Variants in SESN3 observed in about 807,000 individuals in gnomAD.
SESN3 encodes sestrin-3.
A neutral mutation model predicts 55.3 loss-of-function variants in SESN3; 21 were observed. The observed-to-expected ratio is 0.38, with a 90% CI of 0.27 to 0.55. The LOEUF is 0.55. Among genes scored for constraint, SESN3 ranks in the 20% least tolerant of loss-of-function variants. The pLI, the probability that SESN3 is intolerant of heterozygous loss-of-function variation, is 0.76. For missense variants in SESN3, 408 were observed against 604.3 expected (o/e 0.68, Z 3.41); for synonymous variants, 181 against 203.1 (o/e 0.89, Z 0.93).
upstream of SESN3, chr11:95,231,886 T>C (rs2134280373): frequency 6.6e-6 from 1 of 152,334 alleles, no homozygotes; most frequent in South Asian, 2.1e-4. Flanking sequence ...CTGAGTTATA[T>C]ATATATTTAC....
intron 2 of SESN3, among the ~76,000 whole-genome samples, chr11:95,191,890 A>C (rs1366581492): frequency 2.0e-5 from 3 of 152,104 alleles, no homozygotes; most frequent in African/African-American, 7.2e-5. Context: ...CATATTAGGT[A>C]GATTCTTCAG....
At chr11:95,179,132 T>G (rs1860013721) in intron 6 of SESN3, among the ~76,000 whole-genome samples, 1 of 152,110 alleles carries the variant, frequency 6.6e-6, no homozygotes, top group South Asian at 2.1e-4. Context: ...GAAGATAGCA[T>G]AGGCCTATAA....
chr11:95,184,330 A>G, intron 6 of SESN3, 90 bp downstream of exon 6: 1 of 1,040,278 alleles, frequency 9.6e-7, no homozygotes, highest in Non-Finnish European at 1.5e-6. Context: ...TGGTAGCAGA[A>G]TCATTTTTAC....
intron 1 of SESN3, among the ~76,000 whole-genome samples, chr11:95,194,375 G>A (rs2134237988): frequency 6.6e-6 from 1 of 151,908 alleles, no homozygotes; most frequent in Admixed American, 6.6e-5. Flanking sequence ...ACTTCATTAG[G>A]AACCAGTTAC....
intron 7 of SESN3, 104 bp downstream of exon 7, chr11:95,178,606 T>C (rs1860002259): frequency 1.4e-6 from 1 of 726,280 alleles, no homozygotes; most frequent in Non-Finnish European, 2.5e-6. Context: ...CAAAGATTTA[T>C]AGATTCTATC....
At chr11:95,210,748 A>G (rs1292700854) in intron 1 of SESN3, among the ~76,000 whole-genome samples, 2 of 152,242 alleles carry the variant, frequency 1.3e-5, no homozygotes, top group Admixed American at 1.3e-4. Flanking sequence ...CCAATATACT[A>G]GATTCAAGAC....
At chr11:95,213,573 G>C (rs1860698654) in intron 1 of SESN3, among the ~76,000 whole-genome samples, 1 of 152,240 alleles carries the variant, frequency 6.6e-6, no homozygotes, top group Non-Finnish European at 1.5e-5. Context: ...GCTGCCAGTG[G>C]AGTCTTTTAA....
chr11:95,209,565 T>C (rs1170053077), intron 1 of SESN3, among the ~76,000 whole-genome samples: 4 of 151,306 alleles, frequency 2.6e-5, no homozygotes, highest in African/African-American at 9.7e-5. Context: ...ACTCAAAGGA[T>C]TATAAATCAT....
chr11:95,205,933 G>GA (rs1402449528), intron 1 of SESN3, among the ~76,000 whole-genome samples: 1 of 152,090 alleles, frequency 6.6e-6, no homozygotes, highest in East Asian at 1.9e-4. Context: ...AGTAGAGGAA[G>GA]AAAGGCAAGA....
intron 1 of SESN3, among the ~76,000 whole-genome samples, chr11:95,203,436 G>A (rs1860494050): frequency 6.6e-6 from 1 of 152,068 alleles, no homozygotes; most frequent in Non-Finnish European, 1.5e-5. Context: ...TCACAACTGT[G>A]TAAATTCAAG....
chr11:95,208,728 A>G (rs970510269), intron 1 of SESN3, among the ~76,000 whole-genome samples: 3 of 151,532 alleles, frequency 2.0e-5, no homozygotes, highest in Non-Finnish European at 4.4e-5. Context: ...AGATATATAG[A>G]CCAATGGAAC....
intron 6 of SESN3, among the ~76,000 whole-genome samples, chr11:95,180,599 A>T (rs771437075): frequency 6.6e-6 from 1 of 152,198 alleles, no homozygotes. Flanking sequence ...TCATTAATAC[A>T]GGAAGAAATA....
chr11:95,166,188 A>G lies in SESN3; in HGVS notation c.*7067T>C, dbSNP rs1380466431. 1 of 152,116 alleles carries G rather than the reference A, an allele frequency of 6.6e-6. No homozygotes were observed. The highest frequency in any genetic ancestry group is 1.5e-5 in the Non-Finnish European group (1 of 68,010). The allele number at this position is 152,116 out of a possible 1,614,324, so 9.4% of individuals were successfully genotyped here. On this transcript the variant is annotated 3_prime_UTR_variant, in exon 10 of 10. Transcript: ENST00000536441. ...AGCTTATTCTAATTTAAAACCTTAT[A>G]GAGTAAGAGACTGATATATATAGCA...
chr11:95,210,501 T>C (rs1860634680), intron 1 of SESN3, among the ~76,000 whole-genome samples: 1 of 152,304 alleles, frequency 6.6e-6, no homozygotes, highest in East Asian at 1.9e-4. Context: ...TAACACCAGA[T>C]ATGAATGGAT....
intron 1 of SESN3, among the ~76,000 whole-genome samples, chr11:95,224,724 G>A (rs1187581014): frequency 3.3e-5 from 5 of 152,152 alleles, no homozygotes; most frequent in African/African-American, 1.2e-4. Context: ...TTCCCTGAAA[G>A]CTTGAATTTT....
At chr11:95,219,406 A>G (rs1860818979) in intron 1 of SESN3, among the ~76,000 whole-genome samples, 1 of 152,212 alleles carries the variant, frequency 6.6e-6, no homozygotes, top group South Asian at 2.1e-4. Context: ...ATTAAGATAT[A>G]CATATTAAAT....
chr11:95,180,462 C>T (rs895318985), intron 6 of SESN3, among the ~76,000 whole-genome samples: 1 of 152,042 alleles, frequency 6.6e-6, no homozygotes. Context: ...TCCGGTTACC[C>T]AATTTCAGAT....
chr11:95,216,549 A>C (rs1860760280), intron 1 of SESN3, among the ~76,000 whole-genome samples: 1 of 152,202 alleles, frequency 6.6e-6, no homozygotes, highest in Non-Finnish European at 1.5e-5. Flanking sequence ...TTTCTTATTC[A>C]GTGTTTTTAA....
chr11:95,232,291 A>C (rs1861086147), upstream of SESN3: 1 of 152,258 alleles, frequency 6.6e-6, no homozygotes, highest in Admixed American at 6.5e-5. Flanking sequence ...GGTCTCCCGA[A>C]GGGGCTAGCA....
Sources: allele counts gnomAD v4.1 joint callset (sites outside exome capture counted in the v4.1 genomes callset), GRCh38; gene constraint gnomAD v4.1.1; transcripts MANE v1.5; gene names NCBI Gene and HGNC (gene_info 2026-07-23, HGNC 2026-07-21).